Variants in RPTOR observed in about 807,000 individuals in gnomAD.
RPTOR encodes regulatory associated protein of MTOR complex 1, also known as regulatory-associated protein of mTOR.
RPTOR carries 21 observed loss-of-function variants against 169.9 expected under a neutral mutation model. The ratio of observed to expected loss-of-function variants is 0.12; its 90% CI spans 0.09 to 0.18. The LOEUF (loss-of-function observed/expected upper bound fraction) is 0.18, where lower values mean the gene tolerates loss of function less well. RPTOR is among the 10% of genes least tolerant of loss of function. The pLI, the probability that RPTOR is intolerant of heterozygous loss-of-function variation, is 1.00. For synonymous variants in RPTOR, 732 were observed against 753.2 expected (o/e 0.97, Z 0.46); for missense variants, 1,133 against 1,855.9 (o/e 0.61, Z 7.16).
intron 1 of RPTOR, among the ~76,000 whole-genome samples, chr17:80,590,274 C>T (rs190606345): frequency 2.7e-5 from 4 of 145,550 alleles, no homozygotes; most frequent in South Asian, 2.2e-4. Context: ...TGCACACATG[C>T]GTGCACACAG....
In RPTOR at chr17:80,845,348, T is replaced by A. The variant is rs969308043; in HGVS notation, c.1213-1125T>A. On this transcript the variant is annotated intron_variant, in intron 10 of 33. Coordinates refer to ENST00000306801, the MANE Select transcript of RPTOR (RefSeq NM_020761.3). The surrounding 1 kb of genome is among the most constrained non-coding windows in gnomAD (Gnocchi z 5.4). Reference sequence around the variant, plus strand: ...CCCCAAGCATTTTTTTTGGTCTCCCTCACCCGCGCGCCTTCTCTGTCCAGC... The same window carrying A: ...CCCCAAGCATTTTTTTTGGTCTCCCACACCCGCGCGCCTTCTCTGTCCAGC... Among the ~76,000 whole-genome samples the A allele has an allele frequency of 4.6e-5, 7 of 152,028 alleles. No homozygotes were observed. The highest frequency in any genetic ancestry group is 3.9e-4 in the Admixed American group (6 of 15,270).
intron 6 of RPTOR, among the ~76,000 whole-genome samples, chr17:80,787,283 T>C (rs1252941505): frequency 6.6e-6 from 1 of 152,220 alleles, no homozygotes; most frequent in Non-Finnish European, 1.5e-5. Context: ...CACTTAGCAT[T>C]GTGTTGCTCA....
At chr17:80,638,864 T>C (rs919748421) in intron 2 of RPTOR, among the ~76,000 whole-genome samples, 3 of 152,176 alleles carry the variant, frequency 2.0e-5, no homozygotes. Flanking sequence ...ATTTTGTAGC[T>C]ATGTGAGGAG....
chr17:80,562,313 A>G lies in RPTOR; in HGVS notation c.162+16522A>G, dbSNP rs1473349476. Among the ~76,000 whole-genome samples, 1 of 152,162 alleles carries G rather than the reference A, an allele frequency of 6.6e-6. No individual in the cohort carries two copies. Among genetic ancestry groups the G allele is most frequent in the African/African-American group, 2.4e-5 (1 of 41,424 alleles). Reference sequence around the variant, plus strand: ...GAATGTTTTGGTGGGATATGTTGAAATTGTTGCCTAAAACGATCGCTGATC... The same window carrying G: ...GAATGTTTTGGTGGGATATGTTGAAGTTGTTGCCTAAAACGATCGCTGATC... On this transcript the variant is annotated intron_variant, in intron 1 of 33. Transcript: ENST00000306801. The surrounding 1 kb of genome is among the most constrained non-coding windows in gnomAD (Gnocchi z 4.4).
At chr17:80,763,881 T>TA (rs2066759497) in intron 6 of RPTOR, among the ~76,000 whole-genome samples, 2 of 152,168 alleles carry the variant, frequency 1.3e-5, no homozygotes, top group Admixed American at 1.3e-4. Flanking sequence ...TATTTTTTTT[T>TA]ACATGTACAC....
At position 80,665,414 on chromosome 17, in the gene RPTOR, TTTCC is replaced by T. The variant is rs1567846171; in HGVS notation, c.348+21607_348+21610del. ...TTTCCTTTCCTTTCCTTTCCTTTCCTTTCCTTTCCTTTCCTTTCCTTTCCTTTCC... is the reference window on the plus strand; with the variant it reads ...TTTCCTTTCCTTTCCTTTCCTTTCCTTTTCCTTTCCTTTCCTTTCCTTTCC... On this transcript the variant is annotated intron_variant, in intron 3 of 33. Coordinates refer to ENST00000306801, the MANE Select transcript of RPTOR (RefSeq NM_020761.3). 4.6e-3 allele frequency among the ~76,000 whole-genome samples: 57 copies of T among 12,320 alleles called. 5 individuals are homozygous for T. Among genetic ancestry groups the T allele is most frequent in the Non-Finnish European group, 5.9e-3 (46 of 7,752 alleles). The allele number at this position is 12,320 out of a possible 152,430, so 8.1% of individuals were successfully genotyped here.
At chr17:80,653,866 T>A (rs957499552) in intron 3 of RPTOR, among the ~76,000 whole-genome samples, 3 of 152,196 alleles carry the variant, frequency 2.0e-5, no homozygotes, top group Admixed American at 6.5e-5. Context: ...TGGTCCCTGG[T>A]CCTAAACCAC....
intron 4 of RPTOR, among the ~76,000 whole-genome samples, chr17:80,715,751 T>C (rs925435473): frequency 1.3e-4 from 20 of 148,826 alleles, no homozygotes; most frequent in African/African-American, 4.4e-4. Flanking sequence ...CCAAATTCCA[T>C]TGTATCATTC....
At position 80,965,889 on chromosome 17, in the gene RPTOR, T is replaced by C. The variant is rs2069421987; in HGVS notation, c.*1559T>C. On this transcript the variant is annotated 3_prime_UTR_variant, in exon 34 of 34. Coordinates refer to ENST00000306801, the MANE Select transcript of RPTOR (RefSeq NM_020761.3). ...CCGGCACGAATCCCATCCCCACGTCTGGGCCGAGAAAGCAGCCCGGGTCCG... is the reference window on the plus strand; with the variant it reads ...CCGGCACGAATCCCATCCCCACGTCCGGGCCGAGAAAGCAGCCCGGGTCCG... 4.3e-6 allele frequency: 1 copy of C among 233,208 alleles called. No individual in the cohort carries two copies. Among genetic ancestry groups the C allele is most frequent in the South Asian group, 1.8e-4 (1 of 5,522 alleles). The allele number at this position is 233,208 out of a possible 1,614,324, so 14.4% of individuals were successfully genotyped here.
At chr17:80,931,801 C>CAG (rs1364260342) in intron 24 of RPTOR, among the ~76,000 whole-genome samples, 1 of 152,152 alleles carries the variant, frequency 6.6e-6, no homozygotes, top group East Asian at 1.9e-4. Context: ...GCTAGAGCAA[C>CAG]AGAGAGCCCT....
intron 3 of RPTOR, among the ~76,000 whole-genome samples, chr17:80,687,671 T>A (rs1479398723): frequency 6.6e-6 from 1 of 152,134 alleles, no homozygotes; most frequent in Non-Finnish European, 1.5e-5. Flanking sequence ...AGCCACGGAA[T>A]GGTTGTCATC....
intron 6 of RPTOR, among the ~76,000 whole-genome samples, chr17:80,781,656 T>A (rs2066943334): frequency 6.6e-6 from 1 of 152,184 alleles, no homozygotes; most frequent in Non-Finnish European, 1.5e-5. Flanking sequence ...TGAGATAGAA[T>A]CTAAATACAC....
chr17:80,892,451 G>T (rs1051874938), intron 18 of RPTOR, among the ~76,000 whole-genome samples: 1 of 152,214 alleles, frequency 6.6e-6, no homozygotes. Context: ...CATGCACCTC[G>T]TGTGCACTCG....
chr17:80,943,473 T>TTCCCGCC (rs2069059173), intron 25 of RPTOR, among the ~76,000 whole-genome samples: 2 of 152,170 alleles, frequency 1.3e-5, no homozygotes, highest in Non-Finnish European at 2.9e-5. Context: ...GGAGTCCTGC[T>TTCCCGCC]GGTGCACTTC....
At chr17:80,761,645 T>C (rs1037077308) in intron 6 of RPTOR, among the ~76,000 whole-genome samples, 1 of 152,240 alleles carries the variant, frequency 6.6e-6, no homozygotes, top group Non-Finnish European at 1.5e-5. Flanking sequence ...GAATTACCTT[T>C]AGAAACATAA....
chr17:80,595,315 A>T (rs961664331), intron 1 of RPTOR, among the ~76,000 whole-genome samples: 2 of 152,216 alleles, frequency 1.3e-5, no homozygotes, highest in Admixed American at 6.5e-5. Context: ...CTATTAGAAA[A>T]AAAGCAAAAG....
intron 13 of RPTOR, among the ~76,000 whole-genome samples, chr17:80,866,751 T>G (rs543018903): frequency 6.6e-6 from 1 of 151,758 alleles, no homozygotes; most frequent in African/African-American, 2.4e-5. Context: ...GCACTATGCT[T>G]CTTTTTTTTT....
At chr17:80,764,451 G>A (rs1227100738) in intron 6 of RPTOR, among the ~76,000 whole-genome samples, 2 of 151,354 alleles carry the variant, frequency 1.3e-5, no homozygotes, top group Admixed American at 1.3e-4. Flanking sequence ...TGAGAATGAT[G>A]ATTTCCAATT....
In RPTOR at chr17:80,821,779, G is replaced by C. The variant is rs192996834; in HGVS notation, c.891-422G>C. Among the ~76,000 whole-genome samples, 1,224 of 152,328 alleles carry C rather than the reference G, an allele frequency of 8.0e-3. 75 individuals carry two copies. The highest frequency in any genetic ancestry group is 0.075 in the Admixed American group (1,141 of 15,300). ...CGGGAGCAAAGTAGACCTTGCGGGCGAGACTCCTCCCAGCATGGACGGTGT... is the reference window on the plus strand; with the variant it reads ...CGGGAGCAAAGTAGACCTTGCGGGCCAGACTCCTCCCAGCATGGACGGTGT... On this transcript the variant is annotated intron_variant, in intron 7 of 33. Coordinates refer to ENST00000306801, the MANE Select transcript of RPTOR (RefSeq NM_020761.3).
Sources: gnomAD v4.1 joint callset for allele counts (sites outside exome capture counted in the v4.1 genomes callset) on GRCh38, gnomAD v4.1.1 for gene constraint, Gnocchi (gnomAD v3.1) non-coding constraint, MANE v1.5 for transcripts, NCBI Gene and HGNC (gene_info 2026-07-23, HGNC 2026-07-21) for gene names.